Variants in PARS2 observed in about 807,000 individuals in gnomAD.
PARS2 encodes probable proline--tRNA ligase, mitochondrial.
PARS2 carries 20 observed loss-of-function variants against 27.4 expected under a neutral mutation model. The observed-to-expected ratio is 0.73, with a 90% CI of 0.51 to 1.06. PARS2 has a LOEUF of 1.06. Among genes scored for constraint, PARS2 ranks in the 50% least tolerant of loss-of-function variants. The pLI is 0.00. For synonymous variants in PARS2, 240 were observed against 247.1 expected (o/e 0.97, Z 0.27); for missense variants, 585 against 602.1 (o/e 0.97, Z 0.30).
At chr1:54,761,860 C>G (rs532299179) in intron 1 of PARS2, among the ~76,000 whole-genome samples, 2 of 152,314 alleles carry the variant, frequency 1.3e-5, no homozygotes, top group African/African-American at 2.4e-5. Flanking sequence ...GTTGTAGGAA[C>G]GTACGGGCCA....
chr1:54,759,987 C>A (rs1646146909), intron 1 of PARS2, among the ~76,000 whole-genome samples: 1 of 151,502 alleles, frequency 6.6e-6, no homozygotes, highest in African/African-American at 2.4e-5. Flanking sequence ...CTGGGTAACA[C>A]AGTGAGACTC....
Position 54,758,092 on chromosome 1 carries a change from G to A in PARS2, c.1070C>T (p.Thr357Ile), listed in dbSNP as rs376406215. 3.0e-5 allele frequency: 49 copies of A among 1,613,970 alleles called. No individual in the cohort carries two copies. The African/African-American group carries it at 5.7e-4, about 19-fold the overall frequency. The change falls in exon 2 of 2, where the codon ACA becomes ATA. Residue 357 changes from threonine (T) to isoleucine (I), a missense_variant. Coordinates refer to ENST00000371279, the MANE Select transcript of PARS2 (RefSeq NM_152268.4). ...GCTGGGCCAGCGGACACAGTCTTCT[G>A]TAGAGAGGACTTCAATGGCAGCAGC... ...ILAAAIEVLSTEDCVRWPSLL... is the reference protein window; with the variant it reads ...ILAAAIEVLSIEDCVRWPSLL...
At chr1:54,760,547 T>C (rs1046215952) in intron 1 of PARS2, among the ~76,000 whole-genome samples, 6 of 152,122 alleles carry the variant, frequency 3.9e-5, no homozygotes, top group African/African-American at 1.4e-4. Context: ...GCCTCCCCAC[T>C]GGTCTCCTGA....
chr1:54,762,437 G>C (rs1392665629), intron 1 of PARS2, among the ~76,000 whole-genome samples: 1 of 152,160 alleles, frequency 6.6e-6, no homozygotes, highest in Admixed American at 6.5e-5. Flanking sequence ...ACCATGCCCG[G>C]TTGGGTTTGT....
In PARS2 at chr1:54,758,718, A is replaced by G; in HGVS notation, c.444T>C (p.His148=). ...GKELLRLRDR[H]GKEYCLGPTH... The stretch of plus-strand genomic sequence containing the variant: ...TTGGTCCTAAGCAGTATTCCTTGCC[A>G]TGCCTGTCTCTAAGTCTTAGCAGCT... Residue 148 remains histidine (H), a synonymous_variant, in exon 2 of 2, where the codon CAT becomes CAC. Coordinates refer to ENST00000371279, the MANE Select transcript of PARS2 (RefSeq NM_152268.4). 1.9e-6 allele frequency: 3 copies of G among 1,614,132 alleles called. No homozygotes were observed. The highest frequency in any genetic ancestry group is 2.2e-5 in the South Asian group (2 of 91,084).
chr1:54,761,048 G>A (rs913284176), intron 1 of PARS2, among the ~76,000 whole-genome samples: 63 of 152,142 alleles, frequency 4.1e-4, no homozygotes, highest in Non-Finnish European at 5.9e-4. Context: ...AAAGTGCTGG[G>A]ATTACAGGTG....
At chr1:54,763,619 A>G (rs1196088045) in intron 1 of PARS2, among the ~76,000 whole-genome samples, 1 of 152,248 alleles carries the variant, frequency 6.6e-6, no homozygotes, top group Non-Finnish European at 1.5e-5. Flanking sequence ...CAGCTTATAC[A>G]AACAGGAGAA....
At position 54,757,996 on chromosome 1, in the gene PARS2, A is replaced by G; in HGVS notation, c.1166T>C (p.Leu389Pro). The G allele has an allele frequency of 6.2e-7, 1 of 1,614,036 alleles. No individual in the cohort carries two copies. The highest frequency in any genetic ancestry group is 8.5e-7 in the Non-Finnish European group (1 of 1,180,026). The change falls in exon 2 of 2, where the codon CTC (leucine) becomes CCC (proline). Residue 389 changes from leucine (L) to proline (P), a missense_variant. Leu to Pro is a moderately conservative substitution (Grantham distance 98). Coordinates refer to ENST00000371279, the MANE Select transcript of PARS2 (RefSeq NM_152268.4). ...KGSKEQAASE[L>P]IGQLYDHITE... The stretch of plus-strand genomic sequence containing the variant: ...GATGTGGTCGTACAGCTGCCCTATG[A>G]GCTCGGAGGCCGCCTGCTCCTTACT...
chr1:54,763,590 T>C (rs184415396), intron 1 of PARS2, among the ~76,000 whole-genome samples: 25 of 152,362 alleles, frequency 1.6e-4, no homozygotes, highest in Admixed American at 1.5e-3. Context: ...ACGTTTAGCA[T>C]GTCTGTCCTC....
At chr1:54,763,328 T>C (rs1646167329) in intron 1 of PARS2, among the ~76,000 whole-genome samples, 1 of 152,168 alleles carries the variant, frequency 6.6e-6, no homozygotes, top group South Asian at 2.1e-4. Context: ...TACAATTTTT[T>C]TTCTTTCTGG....
chr1:54,760,729 C>G (rs1646150970), intron 1 of PARS2, among the ~76,000 whole-genome samples: 1 of 152,136 alleles, frequency 6.6e-6, no homozygotes, highest in Non-Finnish European at 1.5e-5. Flanking sequence ...AGCTGACCCC[C>G]TTGGGCCTCA....
At chr1:54,762,129 A>G (rs1390822624) in intron 1 of PARS2, among the ~76,000 whole-genome samples, 3 of 143,922 alleles carry the variant, frequency 2.1e-5, no homozygotes, top group Non-Finnish European at 4.5e-5. Flanking sequence ...GAATCGCTGG[A>G]GGGCTTGTTT....
At position 54,758,264 on chromosome 1, in the gene PARS2, T is replaced by A; in HGVS notation, c.898A>T (p.Thr300Ser). ...MNCPACQGPL[T>S]KTKGIEVGHT... ...CCCACCTCAATGCCTTTGGTTTTAG[T>A]CAATGGGCCCTGGCAAGCAGGGCAG... Residue 300 changes from threonine to serine, a missense_variant, in exon 2 of 2, where the codon ACT becomes TCT. Coordinates refer to ENST00000371279, the MANE Select transcript of PARS2 (RefSeq NM_152268.4). The A allele has an allele frequency of 6.2e-7, 1 of 1,614,212 alleles. No individual in the cohort carries two copies. The highest frequency in any genetic ancestry group is 8.5e-7 in the Non-Finnish European group (1 of 1,180,038).
At position 54,757,985 on chromosome 1, in the gene PARS2, G is replaced by A. The variant is rs150254518; in HGVS notation, c.1177C>T (p.Leu393=). The A allele has an allele frequency of 2.1e-4, 346 of 1,614,030 alleles. 2 individuals carry two copies. The highest frequency in any genetic ancestry group is 2.9e-4 in the Non-Finnish European group (337 of 1,180,008). Residue 393 remains leucine (L), a synonymous_variant, in exon 2 of 2, where the codon CTG becomes TTG. Coordinates refer to ENST00000371279, the MANE Select transcript of PARS2 (RefSeq NM_152268.4). ...EQAASELIGQ[L]YDHITEAVPQ... is the part of the protein sequence containing the mutation. ...ACTGCCTCTGTGATGTGGTCGTACA[G>A]CTGCCCTATGAGCTCGGAGGCCGCC...
rs536531769 is a variant in PARS2 at position 54,758,579 on chromosome 1, G to A, written c.583C>T (p.Arg195Cys). ...TCTCGGCCACGGAGAAGACCAAAGC[G>A]GGGCCTGGGCTCATCCCGAAACTTC... ...TRKFRDEPRP[R>C]FGLLRGREFY... The change falls in exon 2 of 2, where the codon CGC becomes TGC. Residue 195 changes from arginine to cysteine, a missense_variant. By Grantham distance (180) the Arg-to-Cys change is radical (BLOSUM62 -3). Coordinates refer to ENST00000371279, the MANE Select transcript of PARS2 (RefSeq NM_152268.4). 3.7e-6 allele frequency: 6 copies of A among 1,614,086 alleles called. No individual in the cohort carries two copies. The African/African-American group carries it at 5.3e-5, about 14-fold the overall frequency.
rs756259641 is a variant in PARS2 at position 54,758,097 on chromosome 1, G to T, written c.1065C>A (p.Leu355=). 6.2e-7 allele frequency: 1 copy of T among 1,614,148 alleles called. No individual in the cohort carries two copies. The highest frequency in any genetic ancestry group is 8.5e-7 in the Non-Finnish European group (1 of 1,180,004). ...GCCAGCGGACACAGTCTTCTGTAGAGAGGACTTCAATGGCAGCAGCCAAGA... is the reference window on the plus strand; with the variant it reads ...GCCAGCGGACACAGTCTTCTGTAGATAGGACTTCAATGGCAGCAGCCAAGA... The part of the protein sequence containing the change: ...TRILAAAIEV[L]STEDCVRWPS... Residue 355 remains leucine, a synonymous_variant, in exon 2 of 2, where the codon CTC becomes CTA. Transcript: ENST00000371279.
chr1:54,763,736 A>T (rs1646169564), intron 1 of PARS2, among the ~76,000 whole-genome samples: 1 of 152,136 alleles, frequency 6.6e-6, no homozygotes, highest in Admixed American at 6.5e-5. Flanking sequence ...TTTTTTGAGT[A>T]CCTACTCTGT....
At position 54,758,724 on chromosome 1, in the gene PARS2, G is replaced by A. The variant is rs1013615420; in HGVS notation, c.438C>T (p.Asp146=). The stretch of plus-strand genomic sequence containing the variant: ...CTAAGCAGTATTCCTTGCCATGCCT[G>A]TCTCTAAGTCTTAGCAGCTCTTTGC... ...LMGKELLRLR[D]RHGKEYCLGP... is the part of the protein sequence containing the mutation. Residue 146 remains aspartate, a synonymous_variant, in exon 2 of 2, where the codon GAC becomes GAT. Coordinates refer to ENST00000371279, the MANE Select transcript of PARS2 (RefSeq NM_152268.4). 6.2e-7 allele frequency: 1 copy of A among 1,614,190 alleles called. No individual in the cohort carries two copies. The highest frequency in any genetic ancestry group is 8.5e-7 in the Non-Finnish European group (1 of 1,180,032).
chr1:54,758,657 G>A lies in PARS2; in HGVS notation c.505C>T (p.Gln169Ter). Reference sequence around the variant, plus strand: ...AGCTGCTTGTAGGACAGTTTCTTCTGGGAGGCAATTAAGGCCGTAATGGCT... The same window carrying A: ...AGCTGCTTGTAGGACAGTTTCTTCTAGGAGGCAATTAAGGCCGTAATGGCT... ...EEAITALIASQKKLSYKQLPF... is the reference protein window; with the variant it reads ...EEAITALIAS The change falls in exon 2 of 2, where the codon CAG (glutamine) becomes TAG (stop). Residue 169 changes from glutamine to a stop codon, truncating the protein, a stop_gained. Coordinates refer to ENST00000371279, the MANE Select transcript of PARS2 (RefSeq NM_152268.4). LOFTEE classifies it high-confidence loss of function. 2 of 1,614,210 alleles carry A rather than the reference G, an allele frequency of 1.2e-6. No individual in the cohort carries two copies. The highest frequency in any genetic ancestry group is 1.7e-6 in the Non-Finnish European group (2 of 1,180,034).
Sources: gnomAD v4.1 joint callset for allele counts (sites outside exome capture counted in the v4.1 genomes callset) on GRCh38, gnomAD v4.1.1 for gene constraint, MANE v1.5 for transcripts, NCBI Gene and HGNC (gene_info 2026-07-23, HGNC 2026-07-21) for gene names.